Variants in DLG2 observed in about 807,000 individuals in gnomAD.
DLG2 encodes the protein discs large MAGUK scaffold protein 2, also known as disks large homolog 2.
Under a neutral mutation model 132.5 loss-of-function variants are expected in DLG2, and 45 were observed. That is an observed-to-expected ratio of 0.34 (90% CI 0.27 to 0.44). The LOEUF is 0.44. Among genes scored for constraint, DLG2 ranks in the 20% least tolerant of loss-of-function variants. The pLI is 1.00. For synonymous variants in DLG2, 424 were observed against 419.6 expected, an observed-to-expected ratio of 1.01 and a Z score of -0.13; for missense variants, 1,045 against 1,196.9, an observed-to-expected ratio of 0.87 and a Z score of 1.87.
chr11:84,149,467 AT>A (rs2095218041), intron 9 of DLG2, among the ~76,000 whole-genome samples: 1 of 152,100 alleles, frequency 6.6e-6, no homozygotes, highest in Admixed American at 6.6e-5. Context: ...CATTAATTGA[AT>A]AGGGAACCCT....
intron 18 of DLG2, chr11:83,786,480 G>A (rs916861869): frequency 9.8e-6 from 5 of 512,220 alleles, no homozygotes; most frequent in African/African-American, 5.7e-5. Context: ...ATTTTCATAG[G>A]CCTTTCTAAC....
At chr11:83,747,615 G>A (rs2093014836) in intron 18 of DLG2, among the ~76,000 whole-genome samples, 2 of 152,180 alleles carry the variant, frequency 1.3e-5, no homozygotes, top group South Asian at 4.1e-4. Flanking sequence ...TCCATCCTGG[G>A]CTCAAACTAT....
chr11:84,469,579 C>T (rs1051275925), intron 7 of DLG2, among the ~76,000 whole-genome samples: 5 of 151,528 alleles, frequency 3.3e-5, no homozygotes, highest in African/African-American at 1.2e-4. Flanking sequence ...TGTAGTAAAT[C>T]AACATTACTA....
At position 85,126,270 on chromosome 11, in the gene DLG2, A is replaced by G. The variant is rs183867965; in HGVS notation, c.283-14535T>C. Among the ~76,000 whole-genome samples the G allele has an allele frequency of 3.7e-4, 56 of 152,320 alleles. 1 individual carries two copies. The highest frequency in any genetic ancestry group is 1.3e-3 in the African/African-American group (52 of 41,558). Reference sequence around the variant, plus strand: ...AAGGTATAATGAAAGAAGATAAGACATGAGAGAAATTTAGGTTCTAAGTCA... The same window carrying G: ...AAGGTATAATGAAAGAAGATAAGACGTGAGAGAAATTTAGGTTCTAAGTCA... On this transcript the variant is annotated intron_variant, in intron 5 of 27. Transcript: ENST00000376104.
At chr11:85,269,108 C>A (rs948231993) in intron 4 of DLG2, among the ~76,000 whole-genome samples, 2 of 152,210 alleles carry the variant, frequency 1.3e-5, no homozygotes, top group African/African-American at 4.8e-5. Context: ...ATCTAGTTCT[C>A]ACTCAGATGT....
At chr11:84,396,961 T>C (rs952164637) in intron 7 of DLG2, among the ~76,000 whole-genome samples, 1 of 152,178 alleles carries the variant, frequency 6.6e-6, no homozygotes, top group Non-Finnish European at 1.5e-5. Flanking sequence ...GGTTTAATAG[T>C]AAATGTCACG....
At chr11:83,654,283 G>A (rs928012551) in intron 18 of DLG2, among the ~76,000 whole-genome samples, 2 of 152,150 alleles carry the variant, frequency 1.3e-5, no homozygotes, top group Admixed American at 1.3e-4. Context: ...TGCCTTGAAT[G>A]AATTAGCCTG....
chr11:84,803,504 G>A (rs1168632417), intron 6 of DLG2, among the ~76,000 whole-genome samples: 1 of 152,150 alleles, frequency 6.6e-6, no homozygotes, highest in Non-Finnish European at 1.5e-5. Context: ...TTTCTGATAA[G>A]CACAATCCTC....
At chr11:85,582,552 G>A (rs755694031) in intron 3 of DLG2, among the ~76,000 whole-genome samples, 5 of 150,460 alleles carry the variant, frequency 3.3e-5, no homozygotes, top group Admixed American at 6.6e-5. Context: ...GGCTGGGCAC[G>A]GTGGCTTATT....
intron 6 of DLG2, among the ~76,000 whole-genome samples, chr11:85,046,383 T>C (rs1347338768): frequency 6.6e-6 from 1 of 151,946 alleles, no homozygotes; most frequent in Non-Finnish European, 1.5e-5. Context: ...GAAATGGAAT[T>C]ATGAGGATAG....
At chr11:85,195,135 G>A (rs2152539312) in intron 4 of DLG2, among the ~76,000 whole-genome samples, 1 of 152,298 alleles carries the variant, frequency 6.6e-6, no homozygotes, top group East Asian at 1.9e-4. Flanking sequence ...GTACGATAGT[G>A]GCTGAGGGTG....
At chr11:84,906,552 C>A (rs112005645) in intron 6 of DLG2, among the ~76,000 whole-genome samples, 1 of 151,694 alleles carries the variant, frequency 6.6e-6, no homozygotes, top group Non-Finnish European at 1.5e-5. Flanking sequence ...TTAAAAAAAA[C>A]AAAAAAGCTT....
chr11:83,830,625 T>G (rs1440351257), intron 17 of DLG2, among the ~76,000 whole-genome samples: 1 of 152,248 alleles, frequency 6.6e-6, no homozygotes, highest in African/African-American at 2.4e-5. Flanking sequence ...GTGCACACAG[T>G]GCGGTGTGCA....
chr11:84,197,182 T>C (rs985285779), intron 8 of DLG2, among the ~76,000 whole-genome samples: 11 of 152,022 alleles, frequency 7.2e-5, no homozygotes, highest in African/African-American at 2.4e-4. Context: ...CCAAGGTATA[T>C]TAAATATACA....
intron 6 of DLG2, among the ~76,000 whole-genome samples, chr11:84,786,109 A>T (rs145183543): frequency 6.6e-6 from 1 of 152,142 alleles, no homozygotes; most frequent in Non-Finnish European, 1.5e-5. Context: ...TTAAAGATAA[A>T]ATATATCATC....
chr11:85,469,323 AATCAGAT>A (rs2092910138), intron 3 of DLG2: 1 of 152,226 alleles, frequency 6.6e-6, no homozygotes, highest in Non-Finnish European at 1.5e-5. Flanking sequence ...AAATAAAATC[AATCAGAT>A]ATCAGACTTT....
chr11:84,189,490 T>C (rs573282782), intron 8 of DLG2, among the ~76,000 whole-genome samples: 1 of 152,126 alleles, frequency 6.6e-6, no homozygotes, highest in Non-Finnish European at 1.5e-5. Context: ...CCAAGGAATA[T>C]AAATCATTCT....
intron 7 of DLG2, among the ~76,000 whole-genome samples, chr11:84,519,209 A>C (rs2154516183): frequency 6.6e-6 from 1 of 152,314 alleles, no homozygotes; most frequent in East Asian, 1.9e-4. Context: ...GACCCTGATG[A>C]AAAAATAAAT....
At chr11:84,991,734 T>G (rs1231891613) in intron 6 of DLG2, among the ~76,000 whole-genome samples, 1 of 152,128 alleles carries the variant, frequency 6.6e-6, no homozygotes, top group Non-Finnish European at 1.5e-5. Flanking sequence ...ATGTTACTAT[T>G]GCGAAAAACT....
Sources: allele counts gnomAD v4.1 joint callset (sites outside exome capture counted in the v4.1 genomes callset), GRCh38; gene constraint gnomAD v4.1.1; transcripts MANE v1.5; gene names NCBI Gene and HGNC (gene_info 2026-07-23, HGNC 2026-07-21).